Variants in A1CF observed in about 807,000 individuals in gnomAD.
A1CF encodes APOBEC-1 stimulating protein.
A1CF carries 48 observed loss-of-function variants against 68.9 expected under a neutral mutation model. The observed-to-expected ratio is 0.70, with a 90% CI of 0.55 to 0.89. The LOEUF (loss-of-function observed/expected upper bound fraction) is 0.89. A1CF is among the 40% of genes least tolerant of loss of function. The pLI is 0.00. For missense variants in A1CF, 653 were observed against 718.9 expected (o/e 0.91, Z 1.05); for synonymous variants, 272 against 260.4 (o/e 1.04, Z -0.43).
chr10:50,872,049 AAAT>A (rs1430331428), intron 1 of A1CF, among the ~76,000 whole-genome samples: 1 of 152,128 alleles, frequency 6.6e-6, no homozygotes, highest in Non-Finnish European at 1.5e-5. Context: ...GATTACTTTT[AAAT>A]AATAGACACA....
At chr10:50,814,125 G>T in intron 9 of A1CF, 87 bp from the exon 10 acceptor site, 1 of 1,500,058 alleles carries the variant, frequency 6.7e-7, no homozygotes, top group Non-Finnish European at 9.1e-7. Context: ...GAATCTTACT[G>T]TAATGGAAAA....
chr10:50,799,741 AAAG>A lies in A1CF; in HGVS notation c.*6985_*6987del, dbSNP rs1837525243. On this transcript the variant is annotated 3_prime_UTR_variant, in exon 13 of 13. Coordinates refer to ENST00000373997, the MANE Select transcript of A1CF (RefSeq NM_014576.4). ...TCACATAAATAAAAATAATAACAAA[AAAG>A]AAAAGAAGAAAGAGATTGTTAAACA... 1 of 152,194 alleles carries A rather than the reference AAAG, an allele frequency of 6.6e-6. No homozygotes were observed. Among genetic ancestry groups the A allele is most frequent in the South Asian group, 2.1e-4 (1 of 4,834 alleles). The allele number at this position is 152,194 out of a possible 1,614,324, so 9.4% of individuals were successfully genotyped here.
rs1192410264 is a variant in A1CF, at chr10:50,804,913, TGA to T, written c.*1814_*1815del. On this transcript the variant is annotated 3_prime_UTR_variant, in exon 13 of 13. Transcript: ENST00000373997. The stretch of plus-strand genomic sequence containing the variant: ...CAAGGAAATTCTAGTGTAAATTTTA[TGA>T]GATATGTTATTGGCATTAGCATTTA... 6.6e-6 allele frequency: 1 copy of T among 152,216 alleles called. No homozygotes were observed. Among genetic ancestry groups the T allele is most frequent in the Non-Finnish European group, 1.5e-5 (1 of 68,042 alleles). The allele number at this position is 152,216 out of a possible 1,614,324, so 9.4% of individuals were successfully genotyped here. A position where few individuals can be genotyped will look rare whatever the true frequency, so the allele number is the denominator to read the frequency against.
intron 3 of A1CF, among the ~76,000 whole-genome samples, chr10:50,846,878 G>C (rs1350772352): frequency 6.6e-6 from 1 of 152,140 alleles, no homozygotes; most frequent in South Asian, 2.1e-4. Context: ...ATGCCCTGTA[G>C]TTCACTCAGT....
chr10:50,825,799 GT>G (rs577115348), intron 7 of A1CF, among the ~76,000 whole-genome samples: 260 of 152,144 alleles, frequency 1.7e-3, no homozygotes, highest in African/African-American at 5.0e-3. Flanking sequence ...ACTCAAATCA[GT>G]TTCCTAGGAT....
intron 7 of A1CF, among the ~76,000 whole-genome samples, chr10:50,826,571 A>C (rs1288477806): frequency 6.6e-6 from 1 of 152,176 alleles, no homozygotes; most frequent in Non-Finnish European, 1.5e-5. Context: ...CTTTACAGAC[A>C]AGCAAATTCT....
intron 9 of A1CF, 129 bp downstream of exon 9, chr10:50,815,877 G>C (rs2132336187): frequency 9.1e-7 from 1 of 1,104,404 alleles, no homozygotes; most frequent in South Asian, 1.6e-5. Context: ...TGATATAATA[G>C]TTGATTTTTA....
chr10:50,859,245 A>C (rs1216923415), intron 3 of A1CF, among the ~76,000 whole-genome samples: 1 of 152,192 alleles, frequency 6.6e-6, no homozygotes, highest in Non-Finnish European at 1.5e-5. Context: ...AGATATCATA[A>C]AGATAATAAT....
In A1CF at chr10:50,806,254, C is replaced by A. The variant is rs1837813279; in HGVS notation, c.*475G>T. The A allele has an allele frequency of 6.6e-6, 1 of 152,418 alleles. No individual in the cohort carries two copies. The highest frequency in any genetic ancestry group is 2.4e-5 in the African/African-American group (1 of 41,460). 9.4% of individuals were successfully genotyped at this position (152,418 alleles called of 1,614,324 possible). A position where few individuals can be genotyped will look rare whatever the true frequency, so the allele number is the denominator to read the frequency against. On this transcript the variant is annotated 3_prime_UTR_variant, in exon 13 of 13. Coordinates refer to ENST00000373997, the MANE Select transcript of A1CF (RefSeq NM_014576.4). ...CCCACACAGTGAGCCATGGTGAATG[C>A]ATTTTGAAAAGCAACCTCCTCCCTT...
chr10:50,835,287 G>A (rs1359057148), intron 6 of A1CF, among the ~76,000 whole-genome samples: 3 of 152,084 alleles, frequency 2.0e-5, no homozygotes, highest in African/African-American at 7.2e-5. Flanking sequence ...CAACATAAAT[G>A]TAGACATCTT....
intron 10 of A1CF, among the ~76,000 whole-genome samples, chr10:50,813,282 G>A (rs1395150065): frequency 6.6e-6 from 1 of 152,208 alleles, no homozygotes; most frequent in African/African-American, 2.4e-5. Flanking sequence ...TAATGTTGAA[G>A]TGTGGAAACT....
chr10:50,872,724 A>T (rs1473593650), intron 1 of A1CF, among the ~76,000 whole-genome samples: 1 of 151,756 alleles, frequency 6.6e-6, no homozygotes, highest in Non-Finnish European at 1.5e-5. Context: ...TCCTTCGAGG[A>T]GTGGTGTGGG....
chr10:50,807,112 C>T (rs2132300747), intron 12 of A1CF, among the ~76,000 whole-genome samples: 1 of 152,284 alleles, frequency 6.6e-6, no homozygotes, highest in Non-Finnish European at 1.5e-5. Flanking sequence ...CCACCTGTGT[C>T]AGAATCACTT....
At position 50,806,615 on chromosome 10, in the gene A1CF, A is replaced by T; in HGVS notation, c.*114T>A. 1 of 996,058 alleles carries T rather than the reference A, an allele frequency of 1.0e-6. No homozygotes were observed. 61.7% of individuals were successfully genotyped at this position (996,058 alleles called of 1,614,324 possible). Reference sequence around the variant, plus strand: ...TAAGCTATACAGTCTCTGGAAAGGCATTTCTTTAGGAAACATATTATTTAT... The same window carrying T: ...TAAGCTATACAGTCTCTGGAAAGGCTTTTCTTTAGGAAACATATTATTTAT... On this transcript the variant is annotated 3_prime_UTR_variant, in exon 13 of 13. Coordinates refer to ENST00000373997, the MANE Select transcript of A1CF (RefSeq NM_014576.4).
In A1CF at chr10:50,836,268, C is replaced by T. The variant is rs769423582; in HGVS notation, c.410G>A (p.Arg137Gln). The change falls in exon 6 of 13, where the codon CGA (arginine) becomes CAA (glutamine). Residue 137 changes from arginine to glutamine, a missense_variant. Coordinates refer to ENST00000373997, the MANE Select transcript of A1CF (RefSeq NM_014576.4). ...LGVCASVDNC[R>Q]LFVGGIPKTK... is the part of the protein sequence containing the mutation. ...TTTTGGGATGCCCCCAACAAATAAT[C>T]GGCAGTTGTCCACACTGGCACAAAC... 1.5e-5 allele frequency: 24 copies of T among 1,613,822 alleles called. No individual in the cohort carries two copies. The highest frequency in any genetic ancestry group is 6.6e-5 in the South Asian group (6 of 91,080).
chr10:50,813,828 G>T (rs998706168), intron 10 of A1CF, 29 bp downstream of exon 10: 28 of 1,604,610 alleles, frequency 1.7e-5, no homozygotes, highest in Non-Finnish European at 2.4e-5. Context: ...ACAACTTAAA[G>T]AAACTATTTC....
intron 1 of A1CF, among the ~76,000 whole-genome samples, chr10:50,872,113 A>G (rs1841296349): frequency 6.6e-6 from 1 of 151,066 alleles, no homozygotes. Flanking sequence ...TAAAGAAATC[A>G]AAATAGCTTA....
chr10:50,880,578 T>C (rs1841722920), intron 1 of A1CF, among the ~76,000 whole-genome samples: 2 of 152,124 alleles, frequency 1.3e-5, no homozygotes, highest in African/African-American at 4.8e-5. Context: ...GCCAACACAG[T>C]TTTCCCCCCA....
intron 1 of A1CF, among the ~76,000 whole-genome samples, chr10:50,882,791 G>A (rs965602316): frequency 6.6e-6 from 1 of 152,084 alleles, no homozygotes; most frequent in African/African-American, 2.4e-5. Context: ...AGACACATAA[G>A]GTAATGAAAA....
Sources: allele counts gnomAD v4.1 joint callset (sites outside exome capture counted in the v4.1 genomes callset), GRCh38; gene constraint gnomAD v4.1.1; transcripts MANE v1.5; gene names NCBI Gene and HGNC (gene_info 2026-07-23, HGNC 2026-07-21).